Variants in EPYC observed in about 807,000 individuals in gnomAD.
EPYC encodes the protein dermatan sulfate proteoglycan 3.
Under a neutral mutation model 30.1 loss-of-function variants are expected in EPYC, and 28 were observed. The observed-to-expected ratio is 0.93, with a 90% CI of 0.69 to 1.28. The LOEUF is 1.28. EPYC is among the 50% of genes most tolerant of loss of function. EPYC has a pLI of 0.00. For missense variants in EPYC, 382 were observed against 383.5 expected (o/e 1.00, Z 0.03); for synonymous variants, 144 against 141.4 (o/e 1.02, Z -0.13).
chr12:91,004,017 A>G (rs1174896707), intron 1 of EPYC, among the ~76,000 whole-genome samples: 4 of 152,104 alleles, frequency 2.6e-5, no homozygotes, highest in African/African-American at 9.7e-5. Flanking sequence ...TTGCCTTTGC[A>G]GAAGTCTTTG....
At chr12:90,992,998 G>C (rs963057667) in intron 2 of EPYC, among the ~76,000 whole-genome samples, 8 of 77,776 alleles carry the variant, frequency 1.0e-4, no homozygotes, top group African/African-American at 3.8e-4. Flanking sequence ...ACAGGTTACA[G>C]ACCAGAGTCA....
chr12:90,996,838 A>G (rs374048720), intron 2 of EPYC, among the ~76,000 whole-genome samples: 2 of 152,176 alleles, frequency 1.3e-5, no homozygotes, highest in East Asian at 3.9e-4. Context: ...TTACTGATGA[A>G]TGCATATACC....
chr12:90,988,726 G>A (rs376584498), intron 2 of EPYC, among the ~76,000 whole-genome samples: 3 of 152,170 alleles, frequency 2.0e-5, no homozygotes, highest in Non-Finnish European at 1.5e-5. Context: ...AAATCCCAGT[G>A]GTTTAACACA....
intron 1 of EPYC, among the ~76,000 whole-genome samples, chr12:91,003,347 ATAGC>A (rs1877875490): frequency 6.6e-6 from 1 of 152,050 alleles, no homozygotes; most frequent in African/African-American, 2.4e-5. Context: ...TTAATTCTTA[ATAGC>A]TATCTAAGAT....
intron 6 of EPYC, among the ~76,000 whole-genome samples, chr12:90,968,401 T>C (rs1876953222): frequency 1.3e-5 from 2 of 152,220 alleles, no homozygotes; most frequent in African/African-American, 2.4e-5. Context: ...GTTTTGGGTC[T>C]AGAATTTCAG....
intron 2 of EPYC, among the ~76,000 whole-genome samples, chr12:90,989,677 T>C (rs1436397982): frequency 6.6e-6 from 1 of 152,052 alleles, no homozygotes; most frequent in Admixed American, 6.6e-5. Context: ...CTAGTCTTTG[T>C]CTCTTTGGGG....
chr12:91,001,236 T>G (rs926393089), intron 2 of EPYC, among the ~76,000 whole-genome samples: 1 of 152,074 alleles, frequency 6.6e-6, no homozygotes, highest in Non-Finnish European at 1.5e-5. Context: ...TAAACAATAT[T>G]GAAAAATTTT....
rs1876993477 is a variant in EPYC, at chr12:90,969,901, A to G, written c.798+143T>C. 4.6e-6 allele frequency: 3 copies of G among 654,452 alleles called. No individual in the cohort carries two copies. The Admixed American group carries it at 7.6e-5, about 17-fold the overall frequency. 40.5% of individuals were successfully genotyped at this position (654,452 alleles called of 1,614,324 possible). On this transcript the variant is annotated intron_variant, in intron 6 of 6. Transcript: ENST00000261172. The stretch of plus-strand genomic sequence containing the variant: ...TAGCTTTGTACTCAGATAAAGAGAG[A>G]GAATAAATGAGAAAAGAGAAAAAGA...
chr12:90,964,153 A>C lies in EPYC; in HGVS notation c.*3T>G, dbSNP rs1461425845. The stretch of plus-strand genomic sequence containing the variant: ...CCATCGTAATGCTAACCATTATCTG[A>C]AATTAGACAAGGCTCCCAACAGGCA... On this transcript the variant is annotated 3_prime_UTR_variant, in exon 7 of 7. Coordinates refer to ENST00000261172, the MANE Select transcript of EPYC (RefSeq NM_004950.5). The C allele has an allele frequency of 6.2e-7, 1 of 1,608,634 alleles. No homozygotes were observed. The highest frequency in any genetic ancestry group is 1.3e-5 in the African/African-American group (1 of 74,864).
At chr12:90,999,546 G>T (rs1252837385) in intron 2 of EPYC, among the ~76,000 whole-genome samples, 1 of 151,938 alleles carries the variant, frequency 6.6e-6, no homozygotes, top group African/African-American at 2.4e-5. Flanking sequence ...ACTTACCATG[G>T]ATTTTTTTCT....
chr12:91,001,330 CA>C (rs900477932), intron 2 of EPYC, among the ~76,000 whole-genome samples: 20 of 151,980 alleles, frequency 1.3e-4, no homozygotes, highest in Non-Finnish European at 2.5e-4. Flanking sequence ...CCTTGGTTAT[CA>C]AAAGTAGTTA....
rs1395190341 is a variant in EPYC, at chr12:90,964,224, T to C, written c.901A>G (p.Ile301Val). The C allele has an allele frequency of 6.2e-7, 1 of 1,613,736 alleles. No homozygotes were observed. The highest frequency in any genetic ancestry group is 1.7e-5 in the Admixed American group (1 of 60,016). The change falls in exon 7 of 7, where the codon ATT becomes GTT. Residue 301 changes from isoleucine (I) to valine (V), a missense_variant. Physicochemically the swap from Ile to Val is conservative, Grantham distance 29. Coordinates refer to ENST00000261172, the MANE Select transcript of EPYC (RefSeq NM_004950.5). ...GCTTGAGGAGTTTTGCTGAGATTAA[T>C]AGGGTTTCCATCCAATCGAATGTCC... ...LEDIRLDGNPINLSKTPQAYM... is the reference protein window; with the variant it reads ...LEDIRLDGNPVNLSKTPQAYM...
At chr12:90,990,968 A>T (rs535852302) in intron 2 of EPYC, among the ~76,000 whole-genome samples, 1 of 152,218 alleles carries the variant, frequency 6.6e-6, no homozygotes, top group East Asian at 1.9e-4. Context: ...ATCGTAGAAT[A>T]AACTATTTTA....
chr12:90,984,195 G>A (rs1449190244), intron 2 of EPYC, among the ~76,000 whole-genome samples: 1 of 152,152 alleles, frequency 6.6e-6, no homozygotes. Context: ...GCATTGGTAA[G>A]GACCACTAAA....
Position 90,978,242 on chromosome 12 carries a change from C to T in EPYC, c.186G>A (p.Met62Ile). The change falls in exon 3 of 7, where the codon ATG becomes ATA. Residue 62 changes from methionine (M) to isoleucine (I), a missense_variant. By Grantham distance (10) the Met-to-Ile change is conservative (BLOSUM62 1). Transcript: ENST00000261172. ...DKVEIEIATV[M>I]PSGNRELLTP... ...TGAGGAGCTCTCTGTTCCCTGAAGG[C>T]ATCACTGTGGCTATTTCAATCTGAA... 1 of 1,566,372 alleles carries T rather than the reference C, an allele frequency of 6.4e-7. No homozygotes were observed. The highest frequency in any genetic ancestry group is 1.9e-4 in the Middle Eastern group (1 of 5,310).
At chr12:90,997,355 CT>C (rs34902768) in intron 2 of EPYC, among the ~76,000 whole-genome samples, 113,226 of 151,734 alleles carry the variant, frequency 0.75, 43,312 homozygotes, top group Non-Finnish European at 0.83. Context: ...GAAAATTTTA[CT>C]GGATGAGTGG....
intron 2 of EPYC, among the ~76,000 whole-genome samples, chr12:90,998,624 T>C (rs1877751238): frequency 6.6e-6 from 1 of 152,140 alleles, no homozygotes; most frequent in African/African-American, 2.4e-5. Context: ...CCTAAATCCC[T>C]AGACTCACAA....
At chr12:90,969,256 A>G (rs1473659838) in intron 6 of EPYC, among the ~76,000 whole-genome samples, 1 of 151,900 alleles carries the variant, frequency 6.6e-6, no homozygotes, top group African/African-American at 2.4e-5. Flanking sequence ...TGAGCATGAA[A>G]TGGGTGTTTT....
At chr12:90,974,586 G>A (rs1877139073) in intron 3 of EPYC, among the ~76,000 whole-genome samples, 1 of 151,878 alleles carries the variant, frequency 6.6e-6, no homozygotes, top group Non-Finnish European at 1.5e-5. Flanking sequence ...GAGGACAGTA[G>A]GAAATAGAAC....
Sources: gnomAD v4.1 joint callset for allele counts (sites outside exome capture counted in the v4.1 genomes callset) on GRCh38, gnomAD v4.1.1 for gene constraint, MANE v1.5 for transcripts, NCBI Gene and HGNC (gene_info 2026-07-23, HGNC 2026-07-21) for gene names.